The following PPP1R12B variants were observed in gnomAD, a reference collection of about 807,000 sequenced individuals.
PPP1R12B encodes protein phosphatase 1 regulatory subunit 12B, also known as myosin phosphatase target subunit 2.
In PPP1R12B, 76 loss-of-function variants were observed where a neutral mutation model predicts 126.1. The observed-to-expected ratio is 0.60, with a 90% confidence interval of 0.50 to 0.73. The LOEUF (loss-of-function observed/expected upper bound fraction) is 0.73, where lower values mean the gene tolerates loss of function less well. PPP1R12B is among the 30% of genes least tolerant of loss of function. The pLI, the probability that PPP1R12B is intolerant of heterozygous loss-of-function variation, is 0.00. For synonymous variants in PPP1R12B, 356 were observed against 434.7 expected (o/e 0.82, Z 2.25); for missense variants, 1,052 against 1,205.1 (o/e 0.87, Z 1.88).
chr1:202,385,383 T>A (rs1662957945), intron 1 of PPP1R12B, among the ~76,000 whole-genome samples: 2 of 152,218 alleles, frequency 1.3e-5, no homozygotes, highest in Admixed American at 1.3e-4. Context: ...CTGTACTAGA[T>A]GTTTTAAAAA....
rs1226308711 is a variant in PPP1R12B, at chr1:202,582,098, T to C, written c.*1538T>C. On this transcript the variant is annotated 3_prime_UTR_variant, in exon 24 of 24. Coordinates refer to ENST00000608999, the MANE Select transcript of PPP1R12B (RefSeq NM_002481.4). Reference sequence around the variant, plus strand: ...CTGAAGTCTGCCTGTGGATTCTCCTTGTAGTCCAGATCTACTATCTGCAAC... The same window carrying C: ...CTGAAGTCTGCCTGTGGATTCTCCTCGTAGTCCAGATCTACTATCTGCAAC... 1.3e-5 allele frequency: 2 copies of C among 152,200 alleles called. No individual in the cohort carries two copies. The highest frequency in any genetic ancestry group is 2.9e-5 in the Non-Finnish European group (2 of 68,030). The allele number at this position is 152,200 out of a possible 1,614,324, so 9.4% of individuals were successfully genotyped here. A position where few individuals can be genotyped will look rare whatever the true frequency, so the allele number is the denominator to read the frequency against.
intron 23 of PPP1R12B, among the ~76,000 whole-genome samples, chr1:202,572,954 T>A (rs1275883615): frequency 6.6e-6 from 1 of 152,186 alleles, no homozygotes; most frequent in Non-Finnish European, 1.5e-5. Context: ...TGCTGATAAC[T>A]TCCAAATTCT....
At chr1:202,401,201 T>G (rs745626601) in intron 1 of PPP1R12B, among the ~76,000 whole-genome samples, 2 of 151,882 alleles carry the variant, frequency 1.3e-5, no homozygotes, top group Non-Finnish European at 2.9e-5. Flanking sequence ...TTTCTCTTTT[T>G]TTTTTAGAGA....
At chr1:202,483,103 G>T (rs951425331) in intron 13 of PPP1R12B, among the ~76,000 whole-genome samples, 1 of 152,036 alleles carries the variant, frequency 6.6e-6, no homozygotes, top group African/African-American at 2.4e-5. Flanking sequence ...ATTGGTCTAC[G>T]TGTCTGTTTT....
intron 18 of PPP1R12B, among the ~76,000 whole-genome samples, chr1:202,499,382 G>A (rs912566530): frequency 6.6e-6 from 1 of 152,144 alleles, no homozygotes; most frequent in African/African-American, 2.4e-5. Context: ...AGTGTCCCAA[G>A]TAGCTGGGAG....
chr1:202,580,083 C>T (rs1357715343), intron 23 of PPP1R12B, among the ~76,000 whole-genome samples: 1 of 152,090 alleles, frequency 6.6e-6, no homozygotes, highest in African/African-American at 2.4e-5. Context: ...GAATTCTTTC[C>T]CTATGTCCTC....
chr1:202,430,608 A>T, intron 6 of PPP1R12B, 123 bp from the exon 7 acceptor site: 1 of 950,176 alleles, frequency 1.1e-6, no homozygotes, highest in Admixed American at 2.7e-5. Context: ...CGGGTTCCCC[A>T]CTACCTCTTT....
intron 1 of PPP1R12B, among the ~76,000 whole-genome samples, chr1:202,410,903 A>C (rs1415574745): frequency 6.6e-6 from 1 of 152,216 alleles, no homozygotes; most frequent in Non-Finnish European, 1.5e-5. Context: ...ATGGACTTAA[A>C]CTGCATCAGA....
chr1:202,489,572 A>T (rs573699203), intron 14 of PPP1R12B, among the ~76,000 whole-genome samples: 2 of 152,368 alleles, frequency 1.3e-5, no homozygotes, highest in South Asian at 4.1e-4. Flanking sequence ...AACCTTAAGA[A>T]AACATTATGC....
rs1185689408 is a variant in PPP1R12B, at chr1:202,438,351, T to C, written c.1458+327T>C. The C allele has an allele frequency of 1.9e-4, 185 of 999,380 alleles. No homozygotes were observed. In the African/African-American group the frequency reaches 2.2e-3, roughly 12 times the overall value. 61.9% of individuals were successfully genotyped at this position (999,380 alleles called of 1,614,324 possible). On this transcript the variant is annotated intron_variant, in intron 10 of 23. Coordinates refer to ENST00000608999, the MANE Select transcript of PPP1R12B (RefSeq NM_002481.4). The stretch of plus-strand genomic sequence containing the variant: ...GCGGAGGGGGGCACAGGACCCCAGG[T>C]AGGGGTCCTGGATCCAGAGGGCCAA...
At chr1:202,367,184 A>T (rs1051212007) in intron 1 of PPP1R12B, among the ~76,000 whole-genome samples, 3 of 152,206 alleles carry the variant, frequency 2.0e-5, no homozygotes, top group Non-Finnish European at 4.4e-5. Flanking sequence ...TCTGATATAA[A>T]GCCTTTTAGC....
chr1:202,415,265 T>C (rs1423689078), intron 1 of PPP1R12B, among the ~76,000 whole-genome samples: 1 of 152,230 alleles, frequency 6.6e-6, no homozygotes, highest in East Asian at 1.9e-4. Flanking sequence ...AAGAATATAG[T>C]GCCTGCTGGT....
intron 12 of PPP1R12B, among the ~76,000 whole-genome samples, chr1:202,444,138 C>T (rs982056435): frequency 2.0e-5 from 3 of 152,152 alleles, no homozygotes; most frequent in African/African-American, 7.2e-5. Context: ...TTTGTCATTT[C>T]CCAGCTATGC....
chr1:202,379,288 A>G (rs1661816681), intron 1 of PPP1R12B, among the ~76,000 whole-genome samples: 1 of 152,206 alleles, frequency 6.6e-6, no homozygotes, highest in South Asian at 2.1e-4. Context: ...ATTGATTCCC[A>G]ATTGACTGCA....
rs1476304470 is a variant in PPP1R12B at position 202,582,567 on chromosome 1, T to A, written c.*2007T>A. On this transcript the variant is annotated 3_prime_UTR_variant, in exon 24 of 24. Coordinates refer to ENST00000608999, the MANE Select transcript of PPP1R12B (RefSeq NM_002481.4). ...GTCCTCCCTCTGAAACACCACATGC[T>A]GTTTAAACTAGAAGCTGTAATTCAA... 1.3e-5 allele frequency: 2 copies of A among 152,636 alleles called. No homozygotes were observed. The highest frequency in any genetic ancestry group is 2.4e-5 in the African/African-American group (1 of 41,432). 9.5% of individuals were successfully genotyped at this position (152,636 alleles called of 1,614,324 possible). A position where few individuals can be genotyped will look rare whatever the true frequency, so the allele number is the denominator to read the frequency against.
chr1:202,395,408 A>G (rs575750336), intron 1 of PPP1R12B, among the ~76,000 whole-genome samples: 2 of 152,236 alleles, frequency 1.3e-5, no homozygotes, highest in South Asian at 4.1e-4. Flanking sequence ...GCCACCTTTT[A>G]ACTCCCTCAT....
At chr1:202,567,042 C>A (rs1688114999) in intron 21 of PPP1R12B, among the ~76,000 whole-genome samples, 1 of 151,984 alleles carries the variant, frequency 6.6e-6, no homozygotes, top group African/African-American at 2.4e-5. Flanking sequence ...GTTTTTTTTG[C>A]CGTGAGGCTA....
intron 13 of PPP1R12B, among the ~76,000 whole-genome samples, chr1:202,472,681 C>T (rs1676091564): frequency 6.6e-6 from 1 of 152,222 alleles, no homozygotes; most frequent in African/African-American, 2.4e-5. Context: ...GTCACAGAAA[C>T]ACCAGACTCA....
At position 202,548,804 on chromosome 1, in the gene PPP1R12B, C is replaced by A. The variant is rs1219748369; in HGVS notation, c.2491-10073C>A. On this transcript the variant is annotated intron_variant, in intron 18 of 23. Coordinates refer to ENST00000608999, the MANE Select transcript of PPP1R12B (RefSeq NM_002481.4). ...TCTCTCTCTCTCTCTCTCTCTCTCT[C>A]TCTCTATATATATATATATATATAT... Among the ~76,000 whole-genome samples the A allele has an allele frequency of 8.1e-3, 666 of 81,916 alleles. 2 individuals carry two copies. Among genetic ancestry groups the A allele is most frequent in the African/African-American group, 9.0e-3 (234 of 26,036 alleles). The allele number at this position is 81,916 out of a possible 152,430, so 53.7% of individuals were successfully genotyped here. A position where few individuals can be genotyped will look rare whatever the true frequency, so the allele number is the denominator to read the frequency against.
Sources: allele counts gnomAD v4.1 joint callset (sites outside exome capture counted in the v4.1 genomes callset), GRCh38; gene constraint gnomAD v4.1.1; transcripts MANE v1.5; gene names NCBI Gene and HGNC (gene_info 2026-07-23, HGNC 2026-07-21).